Variants in AFAP1L2 observed in about 807,000 individuals in gnomAD.
The protein encoded by AFAP1L2 is actin filament-associated protein 1-like 2.
Under a neutral mutation model 99.3 loss-of-function variants are expected in AFAP1L2, and 46 were observed. The ratio of observed to expected loss-of-function variants is 0.46; its 90% CI spans 0.37 to 0.59. The LOEUF is 0.59. Ranked by LOEUF, AFAP1L2 falls within the 20% of genes least tolerant of loss-of-function variation. The pLI is 0.00. For synonymous variants in AFAP1L2, 397 were observed against 419.1 expected, an observed-to-expected ratio of 0.95 and a Z score of 0.64; for missense variants, 959 against 1,034.9, an observed-to-expected ratio of 0.93 and a Z score of 1.01.
chr10:114,296,336 G>C, intron 18 of AFAP1L2: 1 of 484,782 alleles, frequency 2.1e-6, no homozygotes, highest in South Asian at 2.8e-5. Flanking sequence ...GGATTTATTG[G>C]TTAGCCATTG....
chr10:114,327,173 A>ATATATATATATTTTT (rs1491191152), intron 4 of AFAP1L2, among the ~76,000 whole-genome samples: 1 of 18,700 alleles, frequency 5.3e-5, no homozygotes, highest in African/African-American at 1.1e-4. Flanking sequence ...ATATATATAT[A>ATATATATATATTTTT]TTTTTTTTTT....
At chr10:114,400,862 C>G (rs1047761382) in intron 1 of AFAP1L2, among the ~76,000 whole-genome samples, 8 of 152,126 alleles carry the variant, frequency 5.3e-5, no homozygotes, top group Non-Finnish European at 1.5e-5. Flanking sequence ...CAGATGATTC[C>G]ATGCACAGCA....
In AFAP1L2 at chr10:114,302,443, C is replaced by T; in HGVS notation, c.1326G>A (p.Leu442=). The T allele has an allele frequency of 4.3e-6, 7 of 1,614,140 alleles. No individual in the cohort carries two copies. Among genetic ancestry groups the T allele is most frequent in the Non-Finnish European group, 5.1e-6 (6 of 1,180,040 alleles). The part of the protein sequence containing the change: ...SEEMGHWLGL[L]LSESGSKTDP... ...CTGTCTTGGAGCCTGACTCAGAGAG[C>T]AGGAGACCCAGCCAGTGGCCCATTT... is the stretch of plus-strand genomic sequence containing the variant. The change falls in exon 12 of 19, where the codon CTG becomes CTA. Residue 442 remains leucine, a synonymous_variant. Transcript: ENST00000304129.
chr10:114,392,529 C>T (rs2057273280), intron 1 of AFAP1L2, among the ~76,000 whole-genome samples: 1 of 152,224 alleles, frequency 6.6e-6, no homozygotes, highest in Non-Finnish European at 1.5e-5. Context: ...TTCTCAGCCA[C>T]AAAATTCCCC....
chr10:114,385,663 T>C (rs1444175885), intron 1 of AFAP1L2, among the ~76,000 whole-genome samples: 1 of 152,032 alleles, frequency 6.6e-6, no homozygotes, highest in African/African-American at 2.4e-5. Flanking sequence ...CCACACCCCA[T>C]TGTGATTCTG....
At chr10:114,375,439 C>T (rs2054656359) in intron 1 of AFAP1L2, among the ~76,000 whole-genome samples, 1 of 152,164 alleles carries the variant, frequency 6.6e-6, no homozygotes, top group South Asian at 2.1e-4. Context: ...ATACAAATGT[C>T]CACAAACTTT....
intron 1 of AFAP1L2, among the ~76,000 whole-genome samples, chr10:114,389,930 T>C (rs1451612206): frequency 1.3e-5 from 2 of 152,238 alleles, no homozygotes; most frequent in Non-Finnish European, 2.9e-5. Context: ...GTTCTCACTA[T>C]GTCAAATTCT....
chr10:114,301,417 C>G lies in AFAP1L2; in HGVS notation c.1479G>C (p.Leu493=). ...GCTCCTCCTGGCGGTCCTGGCTAGG[C>G]AGGCCATCGATGTAAGTGTTGGGCT... is the stretch of plus-strand genomic sequence containing the variant. ...FSEPNTYIDG[L]PSQDRQEELY... Residue 493 remains leucine (L), a synonymous_variant, in exon 13 of 19, where the codon CTG becomes CTC. Coordinates refer to ENST00000304129, the MANE Select transcript of AFAP1L2 (RefSeq NM_001001936.3). The G allele has an allele frequency of 6.2e-7, 1 of 1,614,242 alleles. No homozygotes were observed. The highest frequency in any genetic ancestry group is 8.5e-7 in the Non-Finnish European group (1 of 1,180,030).
intron 1 of AFAP1L2, among the ~76,000 whole-genome samples, chr10:114,368,646 C>T (rs1173725230): frequency 1.3e-5 from 2 of 151,912 alleles, no homozygotes; most frequent in African/African-American, 4.8e-5. Flanking sequence ...AACTTCTGAA[C>T]TCAAGCAATC....
chr10:114,360,353 C>A (rs2052071608), intron 1 of AFAP1L2, among the ~76,000 whole-genome samples: 2 of 152,182 alleles, frequency 1.3e-5, no homozygotes, highest in Admixed American at 1.3e-4. Flanking sequence ...ACTAGAACTA[C>A]ACCATTGACT....
chr10:114,307,842 G>A lies in AFAP1L2; in HGVS notation c.1035C>T (p.Thr345=), dbSNP rs774344596. Residue 345 remains threonine (T), a synonymous_variant, in exon 10 of 19, where the codon ACC becomes ACT. Transcript: ENST00000304129. ...GGGACCTCTCCACAGGCTCCAGTGA[G>A]GTGGATTTCTTCCTGCCCAGATTCA... ...NLMNLGRKKS[T]SLEPVERSLE... is the part of the protein sequence containing the mutation. 3.1e-6 allele frequency: 5 copies of A among 1,614,004 alleles called. No homozygotes were observed. The highest frequency in any genetic ancestry group is 2.2e-5 in the East Asian group (1 of 44,874).
At chr10:114,350,313 C>T (rs375501841) in intron 1 of AFAP1L2, among the ~76,000 whole-genome samples, 3 of 152,322 alleles carry the variant, frequency 2.0e-5, no homozygotes, top group Admixed American at 6.5e-5. Context: ...TATTACTTGA[C>T]GATTCAGCCG....
At chr10:114,291,029 G>C (rs1316982102), downstream of AFAP1L2, among the ~76,000 whole-genome samples, 2 of 152,106 alleles carry the variant, frequency 1.3e-5, no homozygotes, top group Non-Finnish European at 2.9e-5. Flanking sequence ...CACGGGCAGA[G>C]GTTGGCTTCC....
chr10:114,282,017 C>CTT, the AFAP1L2 span, among the ~76,000 whole-genome samples: 1 of 119,660 alleles, frequency 8.4e-6, no homozygotes, highest in Non-Finnish European at 1.7e-5. Context: ...CTTATGTTAC[C>CTT]TTTTTTTTTT....
rs572522621 is a variant in AFAP1L2, at chr10:114,384,148, T to A, written c.16+20292A>T. Among the ~76,000 whole-genome samples the A allele has an allele frequency of 3.3e-5, 5 of 152,246 alleles. No individual in the cohort carries two copies. In the South Asian group the frequency reaches 1.0e-3, roughly 32 times the overall value. ...ACATATATGTCAAGAGGAGGAGACATCCCATAAGGAAGCTTCCAGAAGGCA... is the reference window on the plus strand; with the variant it reads ...ACATATATGTCAAGAGGAGGAGACAACCCATAAGGAAGCTTCCAGAAGGCA... On this transcript the variant is annotated intron_variant, in intron 1 of 18. Transcript: ENST00000304129.
intron 2 of AFAP1L2, among the ~76,000 whole-genome samples, chr10:114,339,152 G>A (rs1292997488): frequency 6.6e-6 from 1 of 152,226 alleles, no homozygotes; most frequent in African/African-American, 2.4e-5. Flanking sequence ...CAGCATGGAA[G>A]AGTGCTTTGA....
At position 114,349,326 on chromosome 10, in the gene AFAP1L2, C is replaced by A. The variant is rs183717473; in HGVS notation, c.17-8595G>T. 4.2e-5 allele frequency among the ~76,000 whole-genome samples: 6 copies of A among 142,902 alleles called. No homozygotes were observed. The Admixed American group carries it at 4.6e-4, about 11-fold the overall frequency. The allele number at this position is 142,902 out of a possible 152,430, so 93.7% of individuals were successfully genotyped here. A position where few individuals can be genotyped will look rare whatever the true frequency, so the allele number is the denominator to read the frequency against. On this transcript the variant is annotated intron_variant, in intron 1 of 18. Coordinates refer to ENST00000304129, the MANE Select transcript of AFAP1L2 (RefSeq NM_001001936.3). Reference sequence around the variant, plus strand: ...CCAGGAGGCGGAGTTTGCAGTGAGCCGAGATCGCACCATTGCTCTCCACTC... The same window carrying A: ...CCAGGAGGCGGAGTTTGCAGTGAGCAGAGATCGCACCATTGCTCTCCACTC...
chr10:114,394,271 G>C (rs2057457734), intron 1 of AFAP1L2, among the ~76,000 whole-genome samples: 3 of 152,224 alleles, frequency 2.0e-5, no homozygotes, highest in African/African-American at 4.8e-5. Context: ...AGGGGCCACA[G>C]TGAACAAATT....
downstream of AFAP1L2, among the ~76,000 whole-genome samples, chr10:114,293,238 G>T (rs985849853): frequency 1.3e-5 from 2 of 152,176 alleles, no homozygotes; most frequent in African/African-American, 4.8e-5. Context: ...AGAAGACAAC[G>T]TCCGGGGCAG....
Sources: gnomAD v4.1 joint callset for allele counts (sites outside exome capture counted in the v4.1 genomes callset) on GRCh38, gnomAD v4.1.1 for gene constraint, MANE v1.5 for transcripts, NCBI Gene and HGNC (gene_info 2026-07-23, HGNC 2026-07-21) for gene names.